Variants in MPP3 observed in about 807,000 individuals in gnomAD.
MPP3 encodes the protein MAGUK p55 subfamily member 3.
MPP3 carries 48 observed loss-of-function variants against 80.7 expected under a neutral mutation model. The observed-to-expected ratio is 0.59, with a 90% CI of 0.47 to 0.76. The LOEUF (loss-of-function observed/expected upper bound fraction) is 0.76, where lower values mean the gene tolerates loss of function less well. Among genes scored for constraint, MPP3 ranks in the 30% least tolerant of loss-of-function variants. The pLI, the probability that MPP3 is intolerant of heterozygous loss-of-function variation, is 0.00. For missense variants in MPP3, 620 were observed against 763.0 expected, an observed-to-expected ratio of 0.81 and a Z score of 2.21; for synonymous variants, 311 against 297.6, an observed-to-expected ratio of 1.04 and a Z score of -0.46.
chr17:43,817,621 G>T (rs997456765), intron 12 of MPP3, among the ~76,000 whole-genome samples: 1 of 152,050 alleles, frequency 6.6e-6, no homozygotes, highest in African/African-American at 2.4e-5. Flanking sequence ...ATTTGTATTT[G>T]CCCAGTCTGG....
At chr17:43,827,952 G>A in intron 7 of MPP3, 120 bp from the exon 8 acceptor site, 1 of 882,440 alleles carries the variant, frequency 1.1e-6, no homozygotes, top group Admixed American at 1.9e-5. Context: ...GAGATCAGTG[G>A]GGACCTTCCC....
Position 43,831,297 on chromosome 17 carries a change from CA to C in MPP3, c.168del (p.Tyr56Ter). 1 of 1,614,054 alleles carries C rather than the reference CA, an allele frequency of 6.2e-7. No homozygotes were observed. ...AGAACTGGGGTTGGACTTTGCCTTTCATAATAGCGAAGCTTCTCATGAATCT... is the reference window on the plus strand; with the variant it reads ...AGAACTGGGGTTGGACTTTGCCTTTCTAATAGCGAAGCTTCTCATGAATCT... ...LMKIHEKLRY[Y>X]ERQSPTPVLH... On this transcript the variant is annotated frameshift_variant, in exon 5 of 20. Coordinates refer to ENST00000398389, the MANE Select transcript of MPP3 (RefSeq NM_001932.6). LOFTEE classifies it high-confidence loss of function.
At chr17:43,812,658 A>G (rs935953989) in intron 16 of MPP3, among the ~76,000 whole-genome samples, 4 of 152,180 alleles carry the variant, frequency 2.6e-5, no homozygotes, top group South Asian at 2.1e-4. Context: ...TGACTCCCCC[A>G]GTTTCTAAAA....
chr17:43,816,156 G>T, intron 13 of MPP3, 77 bp from the exon 14 acceptor site: 2 of 1,320,772 alleles, frequency 1.5e-6, no homozygotes, highest in Non-Finnish European at 2.0e-6. Flanking sequence ...GCCCCTGGAT[G>T]GCCAGGCAGG....
At chr17:43,825,559 T>C in intron 9 of MPP3, 197 bp downstream of exon 9, 1 of 557,520 alleles carries the variant, frequency 1.8e-6, no homozygotes, top group Non-Finnish European at 3.2e-6. Context: ...GAGAGGCAGA[T>C]GGAAGGGAAG....
chr17:43,805,706 T>G (rs1386686888), intron 19 of MPP3, among the ~76,000 whole-genome samples: 2 of 152,234 alleles, frequency 1.3e-5, no homozygotes, highest in Non-Finnish European at 2.9e-5. Context: ...TTACATTGCA[T>G]GAATCCATTT....
chr17:43,827,761 T>C lies in MPP3; in HGVS notation c.513A>G (p.Ala171=), dbSNP rs2045782140. The change falls in exon 8 of 20, where the codon GCA becomes GCG. Residue 171 remains alanine (A), a synonymous_variant. Transcript: ENST00000398389. ...VVARIMRGGA[A]DRSGLVHVGD... is the part of the protein sequence containing the mutation. ...ACTGCCGCCACTCACCGCTCCTGTC[T>C]GCTGCGCCTCCTCGCATGATCCTGG... 3.7e-6 allele frequency: 6 copies of C among 1,611,620 alleles called. No individual in the cohort carries two copies. Among genetic ancestry groups the C allele is most frequent in the Non-Finnish European group, 5.1e-6 (6 of 1,180,004 alleles).
chr17:43,809,601 C>A (rs1366359108), intron 18 of MPP3, among the ~76,000 whole-genome samples: 1 of 152,112 alleles, frequency 6.6e-6, no homozygotes, highest in Non-Finnish European at 1.5e-5. Context: ...ACTCTTGGGC[C>A]AGGTGCGGTG....
chr17:43,830,006 G>A, intron 6 of MPP3, 21 bp downstream of exon 6: 1 of 1,606,178 alleles, frequency 6.2e-7, no homozygotes, highest in Non-Finnish European at 8.5e-7. Context: ...GCATGGCTGG[G>A]CAGGGGCTCT....
intron 19 of MPP3, among the ~76,000 whole-genome samples, chr17:43,803,256 T>C (rs1277983399): frequency 6.6e-6 from 1 of 152,166 alleles, no homozygotes; most frequent in Admixed American, 6.5e-5. Context: ...CTGGAAGCAT[T>C]TGGCTATTTG....
chr17:43,831,813 G>C (rs2045976985), intron 3 of MPP3, 69 bp downstream of exon 3: 1 of 1,507,702 alleles, frequency 6.6e-7, no homozygotes, highest in African/African-American at 1.4e-5. Flanking sequence ...CACTGCCAGG[G>C]CCTGGAGGCT....
chr17:43,810,187 A>G (rs1016527565), intron 18 of MPP3, among the ~76,000 whole-genome samples: 6 of 152,164 alleles, frequency 3.9e-5, no homozygotes, highest in Admixed American at 1.3e-4. Flanking sequence ...ATCTGTTTCT[A>G]TAGAGGGGAA....
chr17:43,813,158 G>A (rs771469338), intron 16 of MPP3, among the ~76,000 whole-genome samples: 18 of 152,172 alleles, frequency 1.2e-4, no homozygotes, highest in Non-Finnish European at 2.4e-4. Flanking sequence ...GGCAGCCAAG[G>A]GCACGAAGTG....
Position 43,815,783 on chromosome 17 carries a change from A to C in MPP3, c.1009+255T>G, listed in dbSNP as rs775111985. The C allele has an allele frequency of 1.6e-5, 11 of 677,054 alleles. 1 individual carries two copies. The South Asian group carries it at 1.7e-4, about 10-fold the overall frequency. The allele number at this position is 677,054 out of a possible 1,614,324, so 41.9% of individuals were successfully genotyped here. On this transcript the variant is annotated intron_variant, in intron 14 of 19. Transcript: ENST00000398389. ...TGATGGTGATAATAGAATTGGTATTAATGTAGGGGTGTGTGTGCCTTTCCC... is the reference window on the plus strand; with the variant it reads ...TGATGGTGATAATAGAATTGGTATTCATGTAGGGGTGTGTGTGCCTTTCCC...
At chr17:43,824,401 T>C (rs1261131680) in intron 9 of MPP3, among the ~76,000 whole-genome samples, 1 of 152,176 alleles carries the variant, frequency 6.6e-6, no homozygotes, top group East Asian at 1.9e-4. Context: ...CTGGGTCATC[T>C]GAACAACCCA....
intron 19 of MPP3, among the ~76,000 whole-genome samples, chr17:43,806,540 T>G (rs920081547): frequency 6.6e-6 from 1 of 152,198 alleles, no homozygotes; most frequent in African/African-American, 2.4e-5. Flanking sequence ...TATATTGAAC[T>G]GAGTCCTGAC....
intron 9 of MPP3, 103 bp from the exon 10 acceptor site, chr17:43,824,108 C>T (rs745424729): frequency 1.3e-6 from 1 of 773,522 alleles, no homozygotes; most frequent in Middle Eastern, 2.3e-4. Context: ...GAAAGTCAGA[C>T]TTGCAGCCTC....
At chr17:43,806,117 A>G (rs1348260654) in intron 19 of MPP3, among the ~76,000 whole-genome samples, 1 of 152,174 alleles carries the variant, frequency 6.6e-6, no homozygotes, top group African/African-American at 2.4e-5. Context: ...TCTTGTATTT[A>G]GCTATGTCAT....
At chr17:43,832,573 G>A (rs1203215517) in intron 2 of MPP3, among the ~76,000 whole-genome samples, 188 bp downstream of exon 2, 1 of 152,220 alleles carries the variant, frequency 6.6e-6, no homozygotes, top group East Asian at 1.9e-4. Flanking sequence ...CTCCAAAGGT[G>A]CTCTGCAGCA....
Sources: gnomAD v4.1 joint callset for allele counts (sites outside exome capture counted in the v4.1 genomes callset) on GRCh38, gnomAD v4.1.1 for gene constraint, MANE v1.5 for transcripts, NCBI Gene and HGNC (gene_info 2026-07-23, HGNC 2026-07-21) for gene names.